Variants in NFASC observed in about 807,000 individuals in gnomAD.
NFASC encodes the protein neurofascin, also known as neurofascin homolog.
In NFASC, 43 loss-of-function variants were observed where a neutral mutation model predicts 147.5. The observed-to-expected ratio is 0.29, with a 90% CI of 0.23 to 0.38. NFASC has a LOEUF of 0.38. Among genes scored for constraint, NFASC ranks in the 10% least tolerant of loss-of-function variants. NFASC has a pLI of 1.00. For missense variants in NFASC, 1,320 were observed against 1,689.0 expected, an observed-to-expected ratio of 0.78 and a Z score of 3.83; for synonymous variants, 622 against 665.5, an observed-to-expected ratio of 0.93 and a Z score of 1.01.
chr1:205,003,334 A>T (rs555624955), intron 27 of NFASC, among the ~76,000 whole-genome samples: 1 of 152,218 alleles, frequency 6.6e-6, no homozygotes, highest in South Asian at 2.1e-4. Flanking sequence ...ATGCAGGGAG[A>T]GGGGAAGAAG....
intron 16 of NFASC, chr1:204,977,182 C>T (rs1193540797): frequency 9.9e-7 from 1 of 1,007,258 alleles, no homozygotes; most frequent in Non-Finnish European, 1.2e-6. Flanking sequence ...ATGACCTCTG[C>T]CAGCCTTCCT....
At chr1:204,978,322 C>G (rs1203200456) in intron 17 of NFASC, among the ~76,000 whole-genome samples, 1 of 152,212 alleles carries the variant, frequency 6.6e-6, no homozygotes, top group South Asian at 2.1e-4. Context: ...AAAGCAGTCC[C>G]AGTGAGATTC....
At chr1:204,885,392 G>A (rs188030850) in intron 1 of NFASC, among the ~76,000 whole-genome samples, 18 of 151,992 alleles carry the variant, frequency 1.2e-4, no homozygotes, top group South Asian at 2.1e-4. Flanking sequence ...TGCCCTGTGG[G>A]GGGGGAAGCA....
At chr1:204,924,733 A>G (rs2091175211) in intron 2 of NFASC, among the ~76,000 whole-genome samples, 1 of 152,338 alleles carries the variant, frequency 6.6e-6, no homozygotes, top group East Asian at 1.9e-4. Context: ...GAGCTAGGGT[A>G]TGGTGTCTGC....
chr1:205,007,024 G>C (rs1314614695), intron 27 of NFASC, among the ~76,000 whole-genome samples: 1 of 151,978 alleles, frequency 6.6e-6, no homozygotes, highest in Non-Finnish European at 1.5e-5. Flanking sequence ...AGAATAGAGG[G>C]GCTTGAAGTC....
intron 1 of NFASC, among the ~76,000 whole-genome samples, chr1:204,863,334 T>G (rs555773171): frequency 6.6e-6 from 1 of 152,350 alleles, no homozygotes; most frequent in African/African-American, 2.4e-5. Context: ...CAATCATTTA[T>G]TTGGGGTCAG....
At chr1:204,836,822 T>C (rs1051149321) in intron 1 of NFASC, among the ~76,000 whole-genome samples, 8 of 152,256 alleles carry the variant, frequency 5.3e-5, no homozygotes, top group African/African-American at 1.4e-4. Flanking sequence ...GTCATCCACA[T>C]TGGGAGCTAA....
intron 1 of NFASC, among the ~76,000 whole-genome samples, chr1:204,896,669 C>T (rs1224290270): frequency 1.3e-5 from 2 of 152,132 alleles, no homozygotes; most frequent in Non-Finnish European, 2.9e-5. Context: ...GGTTTTGTGT[C>T]TAGGCCATTG....
intron 24 of NFASC, among the ~76,000 whole-genome samples, chr1:204,993,192 C>G (rs1048962031): frequency 1.3e-5 from 2 of 152,208 alleles, no homozygotes; most frequent in Admixed American, 1.3e-4. Flanking sequence ...CCAAACTGCC[C>G]TGTTCATCTC....
Position 204,974,702 on chromosome 1 carries a change from T to A in NFASC, c.1437T>A (p.His479Gln), listed in dbSNP as rs774088171. 6.2e-7 allele frequency: 1 copy of A among 1,614,084 alleles called. No individual in the cohort carries two copies. The highest frequency in any genetic ancestry group is 1.3e-5 in the African/African-American group (1 of 74,914). Residue 479 changes from histidine to glutamine, a missense_variant, in exon 14 of 30, where the codon CAT becomes CAA. Around this residue, in one of 3 missense-constraint regions of NFASC, gnomAD observed 981 missense variants for 1,289.5 expected, o/e 0.76. Coordinates refer to ENST00000339876, the MANE Select transcript of NFASC (RefSeq NM_001005388.3). ...GCAACCTGGATGGTGGCAACTACCA[T>A]GTTTATGAGAACGGCAGTCTGGAAA... ...QGSNLDGGNY[H>Q]VYENGSLEIK...
intron 1 of NFASC, among the ~76,000 whole-genome samples, chr1:204,880,079 T>C (rs1224283502): frequency 1.3e-5 from 2 of 152,180 alleles, no homozygotes; most frequent in Non-Finnish European, 2.9e-5. Context: ...GCTAGTTATC[T>C]CAGTAGCAGG....
At chr1:204,830,142 C>T (rs1016941392) in intron 1 of NFASC, among the ~76,000 whole-genome samples, 5 of 152,076 alleles carry the variant, frequency 3.3e-5, no homozygotes, top group Non-Finnish European at 7.4e-5. Context: ...TAGTGCGTCT[C>T]ATCTACCCTT....
chr1:204,979,167 T>G lies in NFASC; in HGVS notation c.1978+98T>G, dbSNP rs895936489. On this transcript the variant is annotated intron_variant, in intron 18 of 29. Transcript: ENST00000339876. This position sits in a 1 kb window ranked among gnomAD's most constrained non-coding sequence, Gnocchi z 6.0. ...GTTTCCAGCCCCACTTCTGCCTCGC[T>G]TGATGTGTGTCCTGGGCTAACCTCA... is the stretch of plus-strand genomic sequence containing the variant. 1.8e-5 allele frequency: 20 copies of G among 1,094,640 alleles called. No homozygotes were observed. The highest frequency in any genetic ancestry group is 2.3e-5 in the Non-Finnish European group (17 of 747,004). 67.8% of individuals were successfully genotyped at this position (1,094,640 alleles called of 1,614,324 possible). A position where few individuals can be genotyped will look rare whatever the true frequency, so the allele number is the denominator to read the frequency against.
At chr1:204,840,450 G>A (rs1408947103) in intron 1 of NFASC, among the ~76,000 whole-genome samples, 2 of 152,174 alleles carry the variant, frequency 1.3e-5, no homozygotes, top group African/African-American at 4.8e-5. Flanking sequence ...CTTTTCACGT[G>A]GCTATATCTT....
intron 1 of NFASC, among the ~76,000 whole-genome samples, chr1:204,918,984 T>A (rs988778556): frequency 2.6e-5 from 4 of 152,132 alleles, no homozygotes; most frequent in African/African-American, 9.7e-5. Flanking sequence ...CCAACTTCTG[T>A]CTGTCCCCTG....
intron 26 of NFASC, 92 bp downstream of exon 26, chr1:205,001,378 TC>T: frequency 1.3e-6 from 1 of 758,828 alleles, no homozygotes. Context: ...TCCTGTGAAC[TC>T]CCCCAGGCTC....
intron 1 of NFASC, 29 bp downstream of exon 1, chr1:204,828,811 G>A (rs2102287393): frequency 1.0e-6 from 1 of 985,292 alleles, no homozygotes; most frequent in East Asian, 1.1e-4. Context: ...CGGAGAGATG[G>A]GGGTAGAGAG....
intron 27 of NFASC, among the ~76,000 whole-genome samples, chr1:205,007,485 GAAAA>G (rs1005769875): frequency 4.1e-5 from 6 of 145,628 alleles, no homozygotes; most frequent in Non-Finnish European, 6.0e-5. Flanking sequence ...GGGGGGAAGA[GAAAA>G]AAGAAAGGGA....
At chr1:204,937,697 A>G (rs766027896) in intron 2 of NFASC, among the ~76,000 whole-genome samples, 3 of 152,132 alleles carry the variant, frequency 2.0e-5, no homozygotes, top group Non-Finnish European at 4.4e-5. Context: ...CTGATGGGAG[A>G]ACGTCCTGGT....
Sources: gnomAD v4.1 joint callset for allele counts (sites outside exome capture counted in the v4.1 genomes callset) on GRCh38, gnomAD v4.1.1 for gene constraint, gnomAD v4.1.1 regional missense constraint, Gnocchi (gnomAD v3.1) non-coding constraint, MANE v1.5 for transcripts, NCBI Gene and HGNC (gene_info 2026-07-23, HGNC 2026-07-21) for gene names.